NTRK2: variants seen among roughly 807,000 people sequenced by gnomAD.
NTRK2 encodes neurotrophic receptor tyrosine kinase 2.
Under a neutral mutation model 94.5 loss-of-function variants are expected in NTRK2, and 13 were observed. The observed-to-expected ratio is 0.14, with a 90% CI of 0.09 to 0.22. The LOEUF (loss-of-function observed/expected upper bound fraction) is 0.22, where lower values mean the gene tolerates loss of function less well. Ranked by LOEUF, NTRK2 falls within the 10% of genes least tolerant of loss-of-function variation. The probability of loss-of-function intolerance (pLI) is 1.00; values close to 1 mark genes in which losing one functional copy is unlikely to be tolerated. For missense variants in NTRK2, 639 were observed against 1,071.2 expected (o/e 0.60, Z 5.63); for synonymous variants, 372 against 407.4 (o/e 0.91, Z 1.05).
At chr9:84,672,061 G>A (rs1286305057) in intron 2 of NTRK2, among the ~76,000 whole-genome samples, 3 of 152,190 alleles carry the variant, frequency 2.0e-5, no homozygotes, top group Non-Finnish European at 4.4e-5. Context: ...CTAAAGTGGG[G>A]CTTGGGCTGT....
At chr9:84,955,103 T>C (rs1188477619) in intron 16 of NTRK2, among the ~76,000 whole-genome samples, 180 bp from the exon 17 acceptor site, 1 of 152,178 alleles carries the variant, frequency 6.6e-6, no homozygotes, top group Non-Finnish European at 1.5e-5. Context: ...ACTGCAGAAG[T>C]ACAACTGTGT....
At chr9:84,692,474 T>C (rs1393567923) in intron 2 of NTRK2, among the ~76,000 whole-genome samples, 13 of 131,220 alleles carry the variant, frequency 9.9e-5, no homozygotes, top group East Asian at 4.0e-4. Flanking sequence ...TTTTCTTTTT[T>C]TTTTTTTTTT....
chr9:84,689,273 C>A (rs2059902640), intron 2 of NTRK2, among the ~76,000 whole-genome samples: 1 of 152,242 alleles, frequency 6.6e-6, no homozygotes, highest in South Asian at 2.1e-4. Flanking sequence ...CTTATGGCAA[C>A]CTTTGCATGC....
intron 12 of NTRK2, among the ~76,000 whole-genome samples, chr9:84,849,710 A>G (rs186906370): frequency 6.6e-6 from 1 of 152,210 alleles, no homozygotes; most frequent in Non-Finnish European, 1.5e-5. Flanking sequence ...GGATGGAACT[A>G]TGACAGAGAA....
chr9:84,868,343 G>A (rs779926086), intron 14 of NTRK2, among the ~76,000 whole-genome samples: 1 of 152,136 alleles, frequency 6.6e-6, no homozygotes, highest in Non-Finnish European at 1.5e-5. Flanking sequence ...TAGGCTTTGG[G>A]GGCTGCCTCT....
chr9:84,861,546 C>T (rs2075339656), intron 13 of NTRK2, among the ~76,000 whole-genome samples: 1 of 152,170 alleles, frequency 6.6e-6, no homozygotes, highest in African/African-American at 2.4e-5. Flanking sequence ...AAAACAGATT[C>T]TAACGTCCAG....
chr9:84,872,596 A>G, intron 14 of NTRK2: 5 of 1,061,836 alleles, frequency 4.7e-6, no homozygotes, highest in Non-Finnish European at 5.7e-6. Flanking sequence ...CATGTAAAGT[A>G]TTCTGACTTT....
chr9:84,760,622 T>A (rs2065474749), intron 12 of NTRK2, among the ~76,000 whole-genome samples: 1 of 152,234 alleles, frequency 6.6e-6, no homozygotes, highest in Non-Finnish European at 1.5e-5. Flanking sequence ...AATTTTATTG[T>A]CCTCTGAAGA....
At chr9:84,970,995 G>A (rs983695610) in intron 17 of NTRK2, among the ~76,000 whole-genome samples, 2 of 151,958 alleles carry the variant, frequency 1.3e-5, no homozygotes, top group African/African-American at 2.4e-5. Context: ...CTTTTTTCTT[G>A]TTCCTTCTGT....
At chr9:84,889,215 C>T (rs1426039270) in intron 14 of NTRK2, among the ~76,000 whole-genome samples, 5 of 149,746 alleles carry the variant, frequency 3.3e-5, no homozygotes, top group Non-Finnish European at 5.9e-5. Flanking sequence ...TGGTCTCGAT[C>T]TCCTGACCTC....
At chr9:84,835,946 G>T (rs183173953) in intron 12 of NTRK2, among the ~76,000 whole-genome samples, 1 of 152,236 alleles carries the variant, frequency 6.6e-6, no homozygotes, top group African/African-American at 2.4e-5. Flanking sequence ...GGAGGCCCTC[G>T]TGGTTGAAGA....
intron 15 of NTRK2, among the ~76,000 whole-genome samples, chr9:84,943,334 T>C (rs1252164783): frequency 1.3e-5 from 2 of 152,214 alleles, no homozygotes; most frequent in East Asian, 3.8e-4. Context: ...AAGCATTTCA[T>C]ATGAATTTTG....
chr9:84,894,565 C>T (rs559365597), intron 14 of NTRK2, among the ~76,000 whole-genome samples: 1 of 152,270 alleles, frequency 6.6e-6, no homozygotes. Flanking sequence ...CTTCATGCTG[C>T]TCAAGGTTGG....
intron 17 of NTRK2, among the ~76,000 whole-genome samples, chr9:84,970,423 A>G (rs576768509): frequency 6.6e-6 from 1 of 152,232 alleles, no homozygotes; most frequent in African/African-American, 2.4e-5. Context: ...GGCAATAATA[A>G]TAATAATACC....
intron 14 of NTRK2, among the ~76,000 whole-genome samples, chr9:84,922,901 T>C (rs555383488): frequency 6.6e-6 from 1 of 152,304 alleles, no homozygotes; most frequent in African/African-American, 2.4e-5. Flanking sequence ...AAAACAGATA[T>C]TAACACTACC....
intron 14 of NTRK2, among the ~76,000 whole-genome samples, chr9:84,902,633 G>A (rs2076963876): frequency 6.6e-6 from 1 of 152,156 alleles, no homozygotes; most frequent in African/African-American, 2.4e-5. Context: ...GAATCCACAG[G>A]ACTAGTACTA....
chr9:84,691,048 A>G (rs2060021555), intron 2 of NTRK2, among the ~76,000 whole-genome samples: 1 of 152,234 alleles, frequency 6.6e-6, no homozygotes, highest in South Asian at 2.1e-4. Context: ...AAGAACTCCA[A>G]CTAACCCTAA....
At chr9:84,934,104 C>G (rs139591406) in intron 14 of NTRK2, 58 bp from the exon 15 acceptor site, 2 of 1,605,988 alleles carry the variant, frequency 1.2e-6, no homozygotes, top group Non-Finnish European at 8.5e-7. Context: ...ACTCTTCACC[C>G]GCTGCCTTCA....
intron 14 of NTRK2, among the ~76,000 whole-genome samples, chr9:84,931,824 A>C (rs960860237): frequency 6.6e-6 from 1 of 152,142 alleles, no homozygotes; most frequent in Non-Finnish European, 1.5e-5. Context: ...TGTGACAACC[A>C]GGGAGTTAAA....
Sources: gnomAD v4.1 joint callset for allele counts (sites outside exome capture counted in the v4.1 genomes callset) on GRCh38, gnomAD v4.1.1 for gene constraint, MANE v1.5 for transcripts, NCBI Gene and HGNC (gene_info 2026-07-23, HGNC 2026-07-21) for gene names.